ABR: variants seen among roughly 807,000 people sequenced by gnomAD.
ABR encodes ABR activator of RhoGEF and GTPase, also known as active breakpoint cluster region-related protein.
In ABR, 35 loss-of-function variants were observed where a neutral mutation model predicts 107.2. The ratio of observed to expected loss-of-function variants is 0.33; its 90% CI spans 0.25 to 0.43. The LOEUF (loss-of-function observed/expected upper bound fraction) is 0.43. Among genes scored for constraint, ABR ranks in the 20% least tolerant of loss-of-function variants. The probability of loss-of-function intolerance (pLI) is 1.00; values close to 1 mark genes in which losing one functional copy is unlikely to be tolerated. For missense variants in ABR, 815 were observed against 1,115.2 expected (o/e 0.73, Z 3.83); for synonymous variants, 498 against 462.0 (o/e 1.08, Z -1.00).
chr17:1,024,414 G>C (rs949796378), intron 16 of ABR, among the ~76,000 whole-genome samples: 1 of 152,204 alleles, frequency 6.6e-6, no homozygotes, highest in East Asian at 1.9e-4. Flanking sequence ...TGAGTGGCCG[G>C]GGTCTGAACG....
chr17:1,146,892 G>GCCACTGCCA (rs111392532), intron 1 of ABR, among the ~76,000 whole-genome samples: 1 of 147,130 alleles, frequency 6.8e-6, no homozygotes, highest in Non-Finnish European at 1.5e-5. Context: ...CACCACTGCC[G>GCCACTGCCA]CCACTGCCAC....
At chr17:1,215,477 G>A (rs1207330701) in intron 1 of ABR, among the ~76,000 whole-genome samples, 1 of 152,228 alleles carries the variant, frequency 6.6e-6, no homozygotes, top group Admixed American at 6.5e-5. Context: ...CTAGCCGCGA[G>A]TGATCTGCCA....
chr17:1,093,261 G>C (rs2037161601), intron 3 of ABR, among the ~76,000 whole-genome samples: 1 of 151,988 alleles, frequency 6.6e-6, no homozygotes, highest in Non-Finnish European at 1.5e-5. Flanking sequence ...CTGAGGCCAG[G>C]AGTTCGAGAC....
At chr17:1,215,472 C>T (rs1014086346) in intron 1 of ABR, among the ~76,000 whole-genome samples, 3 of 152,198 alleles carry the variant, frequency 2.0e-5, no homozygotes, top group Admixed American at 6.5e-5. Context: ...AGCTCCTAGC[C>T]GCGAGTGATC....
intron 16 of ABR, among the ~76,000 whole-genome samples, chr17:1,036,190 G>A (rs1056373108): frequency 2.0e-5 from 3 of 152,148 alleles, no homozygotes; most frequent in African/African-American, 4.8e-5. Context: ...ATCCGCTAGC[G>A]CAAATGACTC....
chr17:1,220,895 G>A (rs2043108838), intron 1 of ABR, among the ~76,000 whole-genome samples: 3 of 152,244 alleles, frequency 2.0e-5, no homozygotes, highest in East Asian at 1.9e-4. Context: ...GGGTCTAAAC[G>A]ACGGTCCCCG....
chr17:1,013,200 C>T (rs747749929), intron 16 of ABR, 36 bp from the exon 17 acceptor site: 1 of 1,603,852 alleles, frequency 6.2e-7, no homozygotes, highest in Non-Finnish European at 8.5e-7. Context: ...GAGGTGCCAG[C>T]TCGGAGGCCA....
chr17:1,199,077 G>T (rs1276184026), intron 1 of ABR, among the ~76,000 whole-genome samples: 1 of 142,376 alleles, frequency 7.0e-6, no homozygotes, highest in African/African-American at 2.6e-5. Context: ...AGAGGTGCCT[G>T]GTTCCAAGGA....
intron 16 of ABR, chr17:1,031,939 C>T: frequency 3.0e-6 from 3 of 989,692 alleles, no homozygotes; most frequent in Non-Finnish European, 3.9e-6. Context: ...ATCCCTCCTT[C>T]CCCGCCCTCC....
At chr17:1,055,930 G>A in intron 14 of ABR, 105 bp downstream of exon 14, 5 of 1,099,316 alleles carry the variant, frequency 4.5e-6, no homozygotes, top group Non-Finnish European at 5.5e-6. Flanking sequence ...TGGCCTCCAG[G>A]GGAATGCCCC....
intron 16 of ABR, among the ~76,000 whole-genome samples, chr17:1,048,722 C>A: frequency 6.9e-6 from 1 of 145,862 alleles, no homozygotes; most frequent in African/African-American, 2.7e-5. Flanking sequence ...CGCCCAGCTG[C>A]GCCTGGATCA....
chr17:1,079,164 G>T lies in ABR; in HGVS notation c.700+166C>A. 6.9e-7 allele frequency: 1 copy of T among 1,451,764 alleles called. No homozygotes were observed. The allele number at this position is 1,451,764 out of a possible 1,614,324, so 89.9% of individuals were successfully genotyped here. ...ACGAGGCTAGAGTCCTCGCGTGCGC[G>T]CACACGCGCACTCAGCTCACACTCA... is the stretch of plus-strand genomic sequence containing the variant. On this transcript the variant is annotated intron_variant, in intron 6 of 22. Transcript: ENST00000302538.
chr17:1,218,295 A>T (rs971331141), intron 1 of ABR, among the ~76,000 whole-genome samples: 5 of 152,356 alleles, frequency 3.3e-5, no homozygotes, highest in African/African-American at 1.2e-4. Flanking sequence ...CCTGGATCCA[A>T]ACCCAGTTTC....
chr17:1,201,819 G>A (rs1210299487), intron 1 of ABR, among the ~76,000 whole-genome samples: 1 of 152,130 alleles, frequency 6.6e-6, no homozygotes, highest in Non-Finnish European at 1.5e-5. Flanking sequence ...TGGGACAACA[G>A]GCGCCCACCA....
chr17:1,131,922 ACGCG>A, intron 1 of ABR, among the ~76,000 whole-genome samples: 1 of 13,172 alleles, frequency 7.6e-5, no homozygotes, highest in African/African-American at 2.9e-4. Context: ...AGTGCCTGCC[ACGCG>A]CACAGCTCCC....
chr17:1,133,174 G>A (rs577264518), intron 1 of ABR, among the ~76,000 whole-genome samples: 2 of 152,168 alleles, frequency 1.3e-5, no homozygotes, highest in South Asian at 4.2e-4. Context: ...CCTGGGAGGT[G>A]GAGGTTGCGG....
At chr17:1,165,832 C>G (rs1437129591) in intron 1 of ABR, among the ~76,000 whole-genome samples, 1 of 152,200 alleles carries the variant, frequency 6.6e-6, no homozygotes, top group African/African-American at 2.4e-5. Context: ...CATGTCCAGC[C>G]CCAAAACGAA....
chr17:1,145,834 C>T lies in ABR; in HGVS notation c.62-20467G>A, dbSNP rs57528786. Reference sequence around the variant, plus strand: ...GGCTCCTGCCCCTGTCCGCAGAAGTCGCCCAAGGCGTCCACTTGCACCCCT... The same window carrying T: ...GGCTCCTGCCCCTGTCCGCAGAAGTTGCCCAAGGCGTCCACTTGCACCCCT... On this transcript the variant is annotated intron_variant, in intron 1 of 22. Transcript: ENST00000302538. Among the ~76,000 whole-genome samples, 1,075 of 152,308 alleles carry T rather than the reference C, an allele frequency of 7.1e-3. 12 individuals are homozygous for T. The highest frequency in any genetic ancestry group is 0.025 in the African/African-American group (1,031 of 41,570).
At chr17:1,043,057 T>C (rs1223276952) in intron 16 of ABR, among the ~76,000 whole-genome samples, 2 of 152,124 alleles carry the variant, frequency 1.3e-5, no homozygotes, top group African/African-American at 2.4e-5. Context: ...TGGGGAGTTA[T>C]GATTTAATGG....
Sources: allele counts gnomAD v4.1 joint callset (sites outside exome capture counted in the v4.1 genomes callset), GRCh38; gene constraint gnomAD v4.1.1; transcripts MANE v1.5; gene names NCBI Gene and HGNC (gene_info 2026-07-23, HGNC 2026-07-21).